Variants in PLEKHG2 observed in about 807,000 individuals in gnomAD.
The protein encoded by PLEKHG2 is pleckstrin homology and RhoGEF domain containing G2.
Under a neutral mutation model 104.4 loss-of-function variants are expected in PLEKHG2, and 71 were observed. The ratio of observed to expected loss-of-function variants is 0.68; its 90% CI spans 0.56 to 0.83. PLEKHG2 has a LOEUF of 0.83. PLEKHG2 is among the 40% of genes least tolerant of loss of function. The pLI is 0.00. For missense variants in PLEKHG2, 1,730 were observed against 1,809.4 expected, an observed-to-expected ratio of 0.96 and a Z score of 0.80; for synonymous variants, 728 against 737.0, an observed-to-expected ratio of 0.99 and a Z score of 0.20.
intron 16 of PLEKHG2, among the ~76,000 whole-genome samples, 170 bp downstream of exon 16, chr19:39,421,469 C>G (rs1418404128): frequency 6.6e-6 from 1 of 151,932 alleles, no homozygotes; most frequent in African/African-American, 2.4e-5. Context: ...GAGGATTGCT[C>G]GAGCCCAGGA....
In PLEKHG2 at chr19:39,415,060, T is replaced by C; in HGVS notation, c.178T>C (p.Ser60Pro). 6.3e-7 allele frequency: 1 copy of C among 1,593,778 alleles called. No individual in the cohort carries two copies. Among genetic ancestry groups the C allele is most frequent in the Non-Finnish European group, 8.5e-7 (1 of 1,170,724 alleles). ...CTCCACATCCCTGAGCACAGTGGGC[T>C]CTGAGGGGGATCCAGCCCCTGGGCC... is the stretch of plus-strand genomic sequence containing the variant. ...GSSTSLSTVG[S>P]EGDPAPGPTP... is the part of the protein sequence containing the mutation. Residue 60 changes from serine to proline, a missense_variant, in exon 3 of 19, where the codon TCT (serine) becomes CCT (proline). Ser to Pro is a moderately conservative substitution (Grantham distance 74). Coordinates refer to ENST00000425673, the MANE Select transcript of PLEKHG2 (RefSeq NM_022835.3). The surrounding 1 kb of genome is among the most constrained non-coding windows in gnomAD (Gnocchi z 4.6).
intron 11 of PLEKHG2, among the ~76,000 whole-genome samples, chr19:39,419,604 G>A (rs191352221): frequency 7.2e-5 from 11 of 152,048 alleles, no homozygotes; most frequent in South Asian, 6.2e-4. Context: ...TAGGCCGGGC[G>A]CGGTGGCTCA....
Position 39,420,751 on chromosome 19 carries a change from G to A in PLEKHG2, c.1298G>A (p.Cys433Tyr). The change falls in exon 13 of 19, where the codon TGT becomes TAT. Residue 433 changes from cysteine to tyrosine, a missense_variant and splice_region_variant. Coordinates refer to ENST00000425673, the MANE Select transcript of PLEKHG2 (RefSeq NM_022835.3). Reference sequence around the variant, plus strand: ...TTTAGCCCCAAAACTCTCCCCACAGGTGCCCCCAAAAGTAAGCCTGTCCTA... The same window carrying A: ...TTTAGCCCCAAAACTCTCCCCACAGATGCCCCCAAAAGTAAGCCTGTCCTA... ...KQVLLENSLH[C>Y]APKSKPVLEP... is the part of the protein sequence containing the mutation. 1 of 1,614,092 alleles carries A rather than the reference G, an allele frequency of 6.2e-7. No homozygotes were observed. Among genetic ancestry groups the A allele is most frequent in the East Asian group, 2.2e-5 (1 of 44,882 alleles).
Position 39,417,598 on chromosome 19 carries a change from G to T in PLEKHG2, c.788G>T (p.Arg263Leu). The T allele has an allele frequency of 6.2e-7, 1 of 1,614,102 alleles. No homozygotes were observed. The highest frequency in any genetic ancestry group is 8.5e-7 in the Non-Finnish European group (1 of 1,180,022). ...GCGGAGGGCCCAGGCACTGGGGGTC[G>T]CGAGATGGTGGAGGAAGCTATTGTG... ...HWAEGPGTGGREMVEEAIVSM... is the reference protein window; with the variant it reads ...HWAEGPGTGGLEMVEEAIVSM... The change falls in exon 8 of 19, where the codon CGC (arginine) becomes CTC (leucine). Residue 263 changes from arginine to leucine, a missense_variant. By Grantham distance (102) the Arg-to-Leu change is moderately radical (BLOSUM62 -2). Coordinates refer to ENST00000425673, the MANE Select transcript of PLEKHG2 (RefSeq NM_022835.3).
Position 39,424,045 on chromosome 19 carries a change from C to T in PLEKHG2, c.2912C>T (p.Thr971Ile), listed in dbSNP as rs1018690613. The T allele has an allele frequency of 8.7e-6, 14 of 1,614,094 alleles. No individual in the cohort carries two copies. The highest frequency in any genetic ancestry group is 1.0e-5 in the Non-Finnish European group (12 of 1,180,002). Residue 971 changes from threonine to isoleucine, a missense_variant, in exon 19 of 19, where the codon ACT (threonine) becomes ATT (isoleucine). Transcript: ENST00000425673. ...CACCTCCAGGTGCCGGCTCTTACAA[C>T]TTTCTCTGATCAAGGCCACCCAGAA... ...PLHLQVPALT[T>I]FSDQGHPEIQ...
Position 39,414,192 on chromosome 19 carries a change from A to G in PLEKHG2, c.106A>G (p.Thr36Ala). Reference protein sequence around the residue: ...CDCGTVCETRTAPAAPTMASP... With the variant: ...CDCGTVCETRAAPAAPTMASP... ...CTGTGGCACCGTGTGTGAGACTCGGACAGGTGAGCCTAGAGGCAGGGGCGG... is the reference window on the plus strand; with the variant it reads ...CTGTGGCACCGTGTGTGAGACTCGGGCAGGTGAGCCTAGAGGCAGGGGCGG... Residue 36 changes from threonine to alanine, a missense_variant, in exon 2 of 19, where the codon ACA becomes GCA. By Grantham distance (58) the Thr-to-Ala change is moderately conservative (BLOSUM62 0). Transcript: ENST00000425673. 1.9e-6 allele frequency: 3 copies of G among 1,551,234 alleles called. No individual in the cohort carries two copies. Among genetic ancestry groups the G allele is most frequent in the Non-Finnish European group, 2.6e-6 (3 of 1,146,696 alleles).
At position 39,425,326 on chromosome 19, in the gene PLEKHG2, T is replaced by C. The variant is rs559057404; in HGVS notation, c.*32T>C. On this transcript the variant is annotated 3_prime_UTR_variant, in exon 19 of 19. Coordinates refer to ENST00000425673, the MANE Select transcript of PLEKHG2 (RefSeq NM_022835.3). ...ACATGAGGCTTCCCTGAAGCAAGGA[T>C]TTCAGCCAGATGCCATAGACCCTCA... is the stretch of plus-strand genomic sequence containing the variant. 6.3e-7 allele frequency: 1 copy of C among 1,584,586 alleles called. No individual in the cohort carries two copies. The highest frequency in any genetic ancestry group is 2.2e-5 in the East Asian group (1 of 44,576).
Position 39,425,100 on chromosome 19 carries a change from C to G in PLEKHG2, c.3967C>G (p.Pro1323Ala). ...ACGGGCATCTTCGCCGCCCCCCCAG[C>G]CCCAGCCACCACCTCCCCCAGCCAG... ...TSRASSPPPQ[P>A]QPPPPPARRL... Residue 1323 changes from proline (P) to alanine (A), a missense_variant, in exon 19 of 19, where the codon CCC becomes GCC. Pro to Ala is a conservative substitution (Grantham distance 27). Transcript: ENST00000425673. The G allele has an allele frequency of 6.3e-7, 1 of 1,589,050 alleles. No homozygotes were observed. The highest frequency in any genetic ancestry group is 8.6e-7 in the Non-Finnish European group (1 of 1,167,694).
At position 39,416,424 on chromosome 19, in the gene PLEKHG2, G is replaced by C. The variant is rs752920848; in HGVS notation, c.546+10G>C. ...GTGCTTCGTGCAGAGGGTGAGTGGA[G>C]GGGTGGGGGGCTCTCGGTCCTGGAT... is the stretch of plus-strand genomic sequence containing the variant. On this transcript the variant is annotated intron_variant, in intron 5 of 18. Coordinates refer to ENST00000425673, the MANE Select transcript of PLEKHG2 (RefSeq NM_022835.3). This position sits in a 1 kb window ranked among gnomAD's most constrained non-coding sequence, Gnocchi z 4.5. 6.2e-7 allele frequency: 1 copy of C among 1,613,160 alleles called. No homozygotes were observed. Among genetic ancestry groups the C allele is most frequent in the Non-Finnish European group, 8.5e-7 (1 of 1,179,748 alleles).
Position 39,416,707 on chromosome 19 carries a change from G to A in PLEKHG2, c.593+110G>A. The A allele has an allele frequency of 5.4e-6, 8 of 1,489,630 alleles. No individual in the cohort carries two copies. Among genetic ancestry groups the A allele is most frequent in the East Asian group, 2.3e-5 (1 of 44,266 alleles). The allele number at this position is 1,489,630 out of a possible 1,614,324, so 92.3% of individuals were successfully genotyped here. A position where few individuals can be genotyped will look rare whatever the true frequency, so the allele number is the denominator to read the frequency against. ...ACCCATCCAGCACCGACCCCTGCCA[G>A]GCTGTGACAGTAACTGACCTCTCCC... On this transcript the variant is annotated intron_variant, in intron 6 of 18. Coordinates refer to ENST00000425673, the MANE Select transcript of PLEKHG2 (RefSeq NM_022835.3). This position sits in a 1 kb window ranked among gnomAD's most constrained non-coding sequence, Gnocchi z 4.5.
Position 39,413,220 on chromosome 19 carries a change from C to T in PLEKHG2, c.-215C>T, listed in dbSNP as rs1314968114. 6.6e-6 allele frequency: 1 copy of T among 152,282 alleles called. No individual in the cohort carries two copies. Among genetic ancestry groups the T allele is most frequent in the South Asian group, 2.1e-4 (1 of 4,834 alleles). The allele number at this position is 152,282 out of a possible 1,614,324, so 9.4% of individuals were successfully genotyped here. Reference sequence around the variant, plus strand: ...GAGACTCCAGAGTCGAGGCTCCTAGCATCCCCTACGTAGAACACTGAGAAA... The same window carrying T: ...GAGACTCCAGAGTCGAGGCTCCTAGTATCCCCTACGTAGAACACTGAGAAA... On this transcript the variant is annotated 5_prime_UTR_variant, in exon 1 of 19. Coordinates refer to ENST00000425673, the MANE Select transcript of PLEKHG2 (RefSeq NM_022835.3). The surrounding 1 kb of genome is among the most constrained non-coding windows in gnomAD (Gnocchi z 4.5).
rs1358715341 is a variant in PLEKHG2, at chr19:39,422,142, C to T, written c.1531C>T (p.Pro511Ser). 1 of 1,611,536 alleles carries T rather than the reference C, an allele frequency of 6.2e-7. No homozygotes were observed. The highest frequency in any genetic ancestry group is 1.7e-5 in the Admixed American group (1 of 59,706). The change falls in exon 17 of 19, where the codon CCT becomes TCT. Residue 511 changes from proline to serine, a missense_variant. Coordinates refer to ENST00000425673, the MANE Select transcript of PLEKHG2 (RefSeq NM_022835.3). Reference sequence around the variant, plus strand: ...CGCTGGCAGCGAAGGGGAACTCTACCCTCCAGAATCTCAGCCACCAGTTTC... The same window carrying T: ...CGCTGGCAGCGAAGGGGAACTCTACTCTCCAGAATCTCAGCCACCAGTTTC... ...KHAGSEGELY[P>S]PESQPPVSGS...
Position 39,423,097 on chromosome 19 carries a change from C to T in PLEKHG2, c.2043C>T (p.Pro681=), listed in dbSNP as rs759737707. The change falls in exon 18 of 19, where the codon CCC becomes CCT. Residue 681 remains proline (P), a synonymous_variant. Coordinates refer to ENST00000425673, the MANE Select transcript of PLEKHG2 (RefSeq NM_022835.3). ...CCATACCTAGTGTCCCCAACACCCC[C>T]AGTCTGTCTAGCACTCCCACCCTCT... ...LPAIPSVPNT[P]SLSSTPTLSC... The T allele has an allele frequency of 1.2e-6, 2 of 1,614,206 alleles. No homozygotes were observed. Among genetic ancestry groups the T allele is most frequent in the South Asian group, 1.1e-5 (1 of 91,086 alleles).
chr19:39,422,906 C>T lies in PLEKHG2; in HGVS notation c.1852C>T (p.Leu618Phe), dbSNP rs759435891. Residue 618 changes from leucine (L) to phenylalanine (F), a missense_variant, in exon 18 of 19, where the codon CTC becomes TTC. Transcript: ENST00000425673. ...TTCCCCACTCCACGTCCTGGAAGGGCTCGAAAGTTCCATTGCAGCTGAAAT... is the reference window on the plus strand; with the variant it reads ...TTCCCCACTCCACGTCCTGGAAGGGTTCGAAAGTTCCATTGCAGCTGAAAT... ...GPSPLHVLEG[L>F]ESSIAAEMPS... The T allele has an allele frequency of 6.2e-7, 1 of 1,604,244 alleles. No homozygotes were observed. Among genetic ancestry groups the T allele is most frequent in the Non-Finnish European group, 8.5e-7 (1 of 1,174,230 alleles).
chr19:39,424,498 G>A lies in PLEKHG2; in HGVS notation c.3365G>A (p.Arg1122Gln), dbSNP rs781057945. The change falls in exon 19 of 19, where the codon CGG (arginine) becomes CAG (glutamine). Residue 1122 changes from arginine to glutamine, a missense_variant. By Grantham distance (43) the Arg-to-Gln change is conservative (BLOSUM62 1). Coordinates refer to ENST00000425673, the MANE Select transcript of PLEKHG2 (RefSeq NM_022835.3). Reference sequence around the variant, plus strand: ...GCACATGGAAGCCACCTGGACCATCGGATCCCAGCCAACGCCCCACTGTCT... The same window carrying A: ...GCACATGGAAGCCACCTGGACCATCAGATCCCAGCCAACGCCCCACTGTCT... The part of the protein sequence containing the change: ...LPAHGSHLDH[R>Q]IPANAPLSLS... The A allele has an allele frequency of 9.9e-6, 16 of 1,613,984 alleles. No homozygotes were observed. Among genetic ancestry groups the A allele is most frequent in the Admixed American group, 1.7e-5 (1 of 59,998 alleles).
rs780716723 is a variant in PLEKHG2, at chr19:39,418,905, A to C, written c.1177-12A>C. The C allele has an allele frequency of 1.4e-5, 22 of 1,607,914 alleles. No homozygotes were observed. The Admixed American group carries it at 2.0e-4, about 15-fold the overall frequency. ...CACCTGGCCCCCTGACTCTACTCCAACCCACTCCTAGGCCAAGAACCAAGA... is the reference window on the plus strand; with the variant it reads ...CACCTGGCCCCCTGACTCTACTCCACCCCACTCCTAGGCCAAGAACCAAGA... On this transcript the variant is annotated splice_polypyrimidine_tract_variant and intron_variant, in intron 10 of 18. Transcript: ENST00000425673.
chr19:39,421,972 G>T, intron 16 of PLEKHG2, 143 bp from the exon 17 acceptor site: 1 of 792,240 alleles, frequency 1.3e-6, no homozygotes. Context: ...AGCAGAGATG[G>T]CGCCATTGCA....
Position 39,415,009 on chromosome 19 carries a change from A to G in PLEKHG2, c.127A>G (p.Met43Val). The change falls in exon 3 of 19, where the codon ATG becomes GTG. Residue 43 changes from methionine to valine, a missense_variant. By Grantham distance (21) the Met-to-Val change is conservative. Transcript: ENST00000425673. The surrounding 1 kb of genome is among the most constrained non-coding windows in gnomAD (Gnocchi z 4.6). The stretch of plus-strand genomic sequence containing the variant: ...CCCAGCAGCTCCTGCAGCCCCCACC[A>G]TGGCCTCCCCCCGAGGTTCTGGGAG... ...ETRTAPAAPTMASPRGSGSST... is the reference protein window; with the variant it reads ...ETRTAPAAPTVASPRGSGSST... 1 of 1,597,352 alleles carries G rather than the reference A, an allele frequency of 6.3e-7. No homozygotes were observed. The highest frequency in any genetic ancestry group is 8.5e-7 in the Non-Finnish European group (1 of 1,170,140).
Position 39,415,603 on chromosome 19 carries a change from G to A in PLEKHG2, c.479+164G>A, listed in dbSNP as rs1290811027. ...CTGGGAGGGAGGACCCCGAGTGAGGGAGGGGCATAGGGGATGGGAGGACCC... is the reference window on the plus strand; with the variant it reads ...CTGGGAGGGAGGACCCCGAGTGAGGAAGGGGCATAGGGGATGGGAGGACCC... On this transcript the variant is annotated intron_variant, in intron 4 of 18. Transcript: ENST00000425673. The surrounding 1 kb of genome is among the most constrained non-coding windows in gnomAD (Gnocchi z 4.6). 8.2e-6 allele frequency among the ~76,000 whole-genome samples: 1 copy of A among 121,868 alleles called. No homozygotes were observed. Among genetic ancestry groups the A allele is most frequent in the Non-Finnish European group, 1.8e-5 (1 of 56,126 alleles). 80.0% of individuals were successfully genotyped at this position (121,868 alleles called of 152,430 possible).
Sources: gnomAD v4.1 joint callset for allele counts (sites outside exome capture counted in the v4.1 genomes callset) on GRCh38, gnomAD v4.1.1 for gene constraint, Gnocchi (gnomAD v3.1) non-coding constraint, MANE v1.5 for transcripts, NCBI Gene and HGNC (gene_info 2026-07-23, HGNC 2026-07-21) for gene names.